The following PAIP2B variants were observed in gnomAD, a reference collection of about 807,000 sequenced individuals.
The protein encoded by PAIP2B is poly(A) binding protein interacting protein 2B.
A neutral mutation model predicts 17.0 loss-of-function variants in PAIP2B; 13 were observed. That is an observed-to-expected ratio of 0.76 (90% CI 0.50 to 1.22). The LOEUF (loss-of-function observed/expected upper bound fraction) is 1.22. Ranked by LOEUF, PAIP2B falls within the 50% of genes most tolerant of loss-of-function variation. The probability of loss-of-function intolerance (pLI) is 0.00; values close to 1 mark genes in which losing one functional copy is unlikely to be tolerated. For synonymous variants in PAIP2B, 43 were observed against 48.7 expected, an observed-to-expected ratio of 0.88 and a Z score of 0.48; for missense variants, 117 against 144.5, an observed-to-expected ratio of 0.81 and a Z score of 0.98.
intron 1 of PAIP2B, among the ~76,000 whole-genome samples, chr2:71,209,537 T>A (rs1675233298): frequency 6.6e-6 from 1 of 152,144 alleles, no homozygotes; most frequent in African/African-American, 2.4e-5. Flanking sequence ...AGGAAAAGCA[T>A]CAGGAGAAAG....
intron 1 of PAIP2B, among the ~76,000 whole-genome samples, chr2:71,215,361 A>G (rs1675401838): frequency 6.6e-6 from 1 of 152,076 alleles, no homozygotes; most frequent in Non-Finnish European, 1.5e-5. Context: ...CTAGGAGATC[A>G]CAATTCAGAT....
chr2:71,188,299 C>G lies in PAIP2B; in HGVS notation c.*180G>C, dbSNP rs1674594314. 8.8e-6 allele frequency: 5 copies of G among 565,674 alleles called. No homozygotes were observed. The South Asian group carries it at 1.3e-4, about 14-fold the overall frequency. The allele number at this position is 565,674 out of a possible 1,614,324, so 35.0% of individuals were successfully genotyped here. On this transcript the variant is annotated 3_prime_UTR_variant, in exon 4 of 4. Transcript: ENST00000244221. Reference sequence around the variant, plus strand: ...GTCAGCAGAACAAAATAGAAATACTCAGAGGCTTAGAATAAGACTGAGCAT... The same window carrying G: ...GTCAGCAGAACAAAATAGAAATACTGAGAGGCTTAGAATAAGACTGAGCAT...
intron 3 of PAIP2B, among the ~76,000 whole-genome samples, chr2:71,189,371 TTTCTAA>T (rs1674623872): frequency 6.6e-6 from 1 of 152,242 alleles, no homozygotes. Flanking sequence ...TTTATCTGGT[TTTCTAA>T]TTCTAAGTGG....
At chr2:71,202,399 G>T in intron 2 of PAIP2B, 53 bp downstream of exon 2, 1 of 1,586,522 alleles carries the variant, frequency 6.3e-7, no homozygotes, top group Non-Finnish European at 8.6e-7. Context: ...AAATATTATA[G>T]CTGTTGAGTT....
intron 1 of PAIP2B, among the ~76,000 whole-genome samples, chr2:71,207,545 T>A: frequency 6.6e-6 from 1 of 152,036 alleles, no homozygotes; most frequent in East Asian, 1.9e-4. Context: ...TCGACATATT[T>A]TGAGATCACT....
In PAIP2B at chr2:71,227,042, C is replaced by T. The variant is rs905668547; in HGVS notation, c.-126G>A. The T allele has an allele frequency of 6.5e-6, 1 of 153,214 alleles. No individual in the cohort carries two copies. Among genetic ancestry groups the T allele is most frequent in the African/African-American group, 2.4e-5 (1 of 41,438 alleles). 9.5% of individuals were successfully genotyped at this position (153,214 alleles called of 1,614,324 possible). On this transcript the variant is annotated 5_prime_UTR_variant, in exon 1 of 4. Transcript: ENST00000244221. ...ACAGTCTCGGCCTTTAGTACCAAAA[C>T]GTGAAGCACAGCACCCGAGAAGCGC... is the stretch of plus-strand genomic sequence containing the variant.
chr2:71,198,500 TGGTCTC>T (rs371795643), intron 2 of PAIP2B, among the ~76,000 whole-genome samples: 49,353 of 151,426 alleles, frequency 0.33, 8,867 homozygotes, highest in Admixed American at 0.45. Flanking sequence ...TTAGCCAGGA[TGGTCTC>T]GATCTCCTGA....
intron 2 of PAIP2B, among the ~76,000 whole-genome samples, chr2:71,199,819 G>T (rs988830044): frequency 2.0e-5 from 3 of 152,084 alleles, no homozygotes; most frequent in South Asian, 4.1e-4. Context: ...TGTGCCTAGG[G>T]GTTCAAGTCC....
intron 1 of PAIP2B, among the ~76,000 whole-genome samples, chr2:71,217,483 A>T (rs1185395259): frequency 2.0e-5 from 3 of 152,148 alleles, no homozygotes; most frequent in Non-Finnish European, 4.4e-5. Context: ...TAAACTTTTG[A>T]ATTTTTTCAC....
At chr2:71,210,815 C>T (rs1433924550) in intron 1 of PAIP2B, among the ~76,000 whole-genome samples, 1 of 152,104 alleles carries the variant, frequency 6.6e-6, no homozygotes, top group Non-Finnish European at 1.5e-5. Flanking sequence ...GTTTGCCCCA[C>T]TGAGGAAATG....
intron 2 of PAIP2B, among the ~76,000 whole-genome samples, chr2:71,197,141 T>C (rs1049015404): frequency 6.6e-6 from 1 of 152,208 alleles, no homozygotes; most frequent in African/African-American, 2.4e-5. Flanking sequence ...GGTTTTTGTA[T>C]TAGCTGGTAG....
At chr2:71,197,195 G>C (rs1175054478) in intron 2 of PAIP2B, among the ~76,000 whole-genome samples, 5 of 152,150 alleles carry the variant, frequency 3.3e-5, no homozygotes, top group African/African-American at 4.8e-5. Flanking sequence ...AAGGTCTCCT[G>C]TAAGGCAAGT....
intron 1 of PAIP2B, among the ~76,000 whole-genome samples, chr2:71,211,426 C>T (rs556796495): frequency 6.6e-6 from 1 of 152,194 alleles, no homozygotes; most frequent in African/African-American, 2.4e-5. Flanking sequence ...TGTATTTCTG[C>T]TTGTTAATTT....
intron 1 of PAIP2B, among the ~76,000 whole-genome samples, chr2:71,224,006 T>G (rs1438676514): frequency 6.6e-6 from 1 of 152,196 alleles, no homozygotes; most frequent in Non-Finnish European, 1.5e-5. Context: ...TTGTGGAGCT[T>G]TCAAGGTGAC....
intron 1 of PAIP2B, among the ~76,000 whole-genome samples, chr2:71,206,673 A>G (rs1481391182): frequency 6.6e-6 from 1 of 152,232 alleles, no homozygotes; most frequent in Admixed American, 6.5e-5. Flanking sequence ...CAGATCCAAC[A>G]TGCTTATGCC....
chr2:71,190,802 T>C (rs1674670171), intron 2 of PAIP2B, among the ~76,000 whole-genome samples: 1 of 152,198 alleles, frequency 6.6e-6, no homozygotes, highest in African/African-American at 2.4e-5. Flanking sequence ...TCAAAGCCAA[T>C]GCTCTCAGCT....
chr2:71,196,061 G>T (rs1212234684), intron 2 of PAIP2B, among the ~76,000 whole-genome samples: 3 of 151,912 alleles, frequency 2.0e-5, no homozygotes, highest in Non-Finnish European at 4.4e-5. Context: ...TGCTAGCTTT[G>T]GGGTTGATTT....
At chr2:71,219,938 C>G (rs529473216) in intron 1 of PAIP2B, among the ~76,000 whole-genome samples, 1 of 152,330 alleles carries the variant, frequency 6.6e-6, no homozygotes, top group African/African-American at 2.4e-5. Flanking sequence ...CATCCATATA[C>G]CATTCCTTGT....
intron 2 of PAIP2B, among the ~76,000 whole-genome samples, chr2:71,190,301 G>A (rs1477481957): frequency 2.6e-5 from 4 of 152,108 alleles, no homozygotes; most frequent in Non-Finnish European, 5.9e-5. Flanking sequence ...GTGTGTGCCT[G>A]TAGTCTCAGC....
Sources: gnomAD v4.1 joint callset for allele counts (sites outside exome capture counted in the v4.1 genomes callset) on GRCh38, gnomAD v4.1.1 for gene constraint, MANE v1.5 for transcripts, NCBI Gene and HGNC (gene_info 2026-07-23, HGNC 2026-07-21) for gene names.